RGS6: variants seen among roughly 807,000 people sequenced by gnomAD.
The protein encoded by RGS6 is regulator of G-protein signaling 6.
RGS6 carries 30 observed loss-of-function variants against 78.5 expected under a neutral mutation model. That is an observed-to-expected ratio of 0.38 (90% CI 0.29 to 0.52). The LOEUF (loss-of-function observed/expected upper bound fraction) is 0.52. Ranked by LOEUF, RGS6 falls within the 20% of genes least tolerant of loss-of-function variation. The pLI is 0.85. For synonymous variants in RGS6, 206 were observed against 206.0 expected, an observed-to-expected ratio of 1.00 and a Z score of 0.00; for missense variants, 495 against 609.7, an observed-to-expected ratio of 0.81 and a Z score of 1.98.
intron 2 of RGS6, among the ~76,000 whole-genome samples, chr14:72,248,349 A>G (rs750061647): frequency 2.6e-5 from 4 of 152,212 alleles, no homozygotes; most frequent in Non-Finnish European, 5.9e-5. Context: ...ATGTCTTCTC[A>G]TGGAGTTTTT....
intron 3 of RGS6, among the ~76,000 whole-genome samples, chr14:72,384,964 C>T (rs1258518301): frequency 6.6e-6 from 1 of 152,114 alleles, no homozygotes; most frequent in Non-Finnish European, 1.5e-5. Flanking sequence ...CTTGGCCAGG[C>T]TGGTCTCGAA....
chr14:72,166,125 C>A (rs2096923107), intron 2 of RGS6, among the ~76,000 whole-genome samples: 1 of 151,378 alleles, frequency 6.6e-6, no homozygotes, highest in South Asian at 2.1e-4. Flanking sequence ...CACACACACA[C>A]ACACACACAC....
rs35114076 is a variant in RGS6 at position 72,088,693 on chromosome 14, G to A, written c.84+123818G>A. 6.4e-3 allele frequency among the ~76,000 whole-genome samples: 961 copies of A among 151,164 alleles called. 3 individuals are homozygous for A. Among genetic ancestry groups the A allele is most frequent in the Middle Eastern group, 0.031 (9 of 294 alleles). Reference sequence around the variant, plus strand: ...CATTCTCCTGCTTAAAAATCCCCCCGTCGTTTCCCGTTGCTCTTAGAACAA... The same window carrying A: ...CATTCTCCTGCTTAAAAATCCCCCCATCGTTTCCCGTTGCTCTTAGAACAA... On this transcript the variant is annotated intron_variant, in intron 2 of 17. Coordinates refer to ENST00000553525, the MANE Select transcript of RGS6 (RefSeq NM_001204424.2).
rs540909021 is a variant in RGS6 at position 72,335,484 on chromosome 14, C to T, written c.85-16611C>T. On this transcript the variant is annotated intron_variant, in intron 2 of 17. Coordinates refer to ENST00000553525, the MANE Select transcript of RGS6 (RefSeq NM_001204424.2). ...CATTTTAAGATGGAAAAGTGACTCCCAGGGACAGGGCATTGGCTCAACAGG... is the reference window on the plus strand; with the variant it reads ...CATTTTAAGATGGAAAAGTGACTCCTAGGGACAGGGCATTGGCTCAACAGG... Among the ~76,000 whole-genome samples, 10 of 152,274 alleles carry T rather than the reference C, an allele frequency of 6.6e-5. No homozygotes were observed. The East Asian group carries it at 1.7e-3, about 26-fold the overall frequency.
At chr14:72,160,764 G>A (rs1464516284) in intron 2 of RGS6, among the ~76,000 whole-genome samples, 1 of 152,180 alleles carries the variant, frequency 6.6e-6, no homozygotes, top group East Asian at 1.9e-4. Context: ...CCCTTTCAGA[G>A]ACTAACCGTG....
the RGS6 span, among the ~76,000 whole-genome samples, chr14:71,899,165 GT>G: frequency 2.6e-3 from 393 of 152,108 alleles, 1 homozygote; most frequent in African/African-American, 8.9e-3. Context: ...AACCACACAG[GT>G]TGACTATAGA....
At chr14:72,556,043 C>G (rs779140148) in intron 17 of RGS6, among the ~76,000 whole-genome samples, 14 of 152,184 alleles carry the variant, frequency 9.2e-5, no homozygotes, top group African/African-American at 2.9e-4. Context: ...TAGGTGGGTC[C>G]TTTTACATTT....
At chr14:72,617,442 G>T in the RGS6 span, among the ~76,000 whole-genome samples, 1 of 152,048 alleles carries the variant, frequency 6.6e-6, no homozygotes, top group African/African-American at 2.4e-5. Flanking sequence ...TCCCTCCCTG[G>T]GCCTTCAGGA....
intron 2 of RGS6, among the ~76,000 whole-genome samples, chr14:72,013,502 CAAAT>C (rs1391596297): frequency 6.6e-6 from 1 of 152,026 alleles, no homozygotes; most frequent in Non-Finnish European, 1.5e-5. Context: ...CATATATTGA[CAAAT>C]GAAGGAAGAA....
chr14:72,423,192 A>G lies in RGS6; in HGVS notation c.185-31336A>G, dbSNP rs116599799. 6.0e-3 allele frequency among the ~76,000 whole-genome samples: 912 copies of G among 152,322 alleles called. 14 individuals carry two copies. Among genetic ancestry groups the G allele is most frequent in the African/African-American group, 0.021 (858 of 41,572 alleles). ...ATATGAGATGGAAAAGAATCTTTTT[A>G]GAGAACATGGGTGCCAGACATAGCC... On this transcript the variant is annotated intron_variant, in intron 3 of 17. Transcript: ENST00000553525.
chr14:71,875,776 G>A, the RGS6 span, among the ~76,000 whole-genome samples: 3 of 152,178 alleles, frequency 2.0e-5, no homozygotes, highest in East Asian at 3.9e-4. Flanking sequence ...TCTCTTGTGG[G>A]CATTTAGTGC....
intron 3 of RGS6, among the ~76,000 whole-genome samples, chr14:72,392,918 A>G (rs879846548): frequency 6.6e-6 from 1 of 152,224 alleles, no homozygotes; most frequent in Admixed American, 6.5e-5. Context: ...GAGAAGCAGC[A>G]GCTAATAACA....
intron 1 of RGS6, among the ~76,000 whole-genome samples, chr14:71,941,231 G>A (rs150733459): frequency 3.3e-5 from 5 of 152,274 alleles, no homozygotes; most frequent in African/African-American, 7.2e-5. Flanking sequence ...TCTCATGAGC[G>A]GTGAATTAGG....
intron 15 of RGS6, among the ~76,000 whole-genome samples, chr14:72,526,789 G>A (rs1465423084): frequency 6.6e-6 from 1 of 152,234 alleles, no homozygotes; most frequent in Non-Finnish European, 1.5e-5. Context: ...TGTCCATATT[G>A]TTGCGGTATC....
intron 2 of RGS6, among the ~76,000 whole-genome samples, chr14:72,140,605 A>G (rs2283416): frequency 0.26 from 39,948 of 152,138 alleles, 5,431 homozygotes; most frequent in African/African-American, 0.31. Context: ...CACCATTGCA[A>G]ATGTTAACAG....
the RGS6 span, among the ~76,000 whole-genome samples, chr14:71,872,098 G>A: frequency 6.6e-6 from 1 of 152,120 alleles, no homozygotes; most frequent in Non-Finnish European, 1.5e-5. Context: ...CAGGACTCTG[G>A]CCCTGGTTTA....
intron 16 of RGS6, among the ~76,000 whole-genome samples, chr14:72,539,290 C>T (rs534964534): frequency 6.6e-6 from 1 of 152,156 alleles, no homozygotes; most frequent in Admixed American, 6.5e-5. Flanking sequence ...TCTAGCCTGT[C>T]GTACGTACAT....
intron 2 of RGS6, among the ~76,000 whole-genome samples, chr14:72,319,379 T>C (rs1172982938): frequency 1.3e-5 from 2 of 149,774 alleles, no homozygotes; most frequent in Non-Finnish European, 3.0e-5. Context: ...AGACGGAGTC[T>C]CGCCCTGTTG....
chr14:71,984,309 A>C (rs966047398), intron 2 of RGS6, among the ~76,000 whole-genome samples: 1 of 110,916 alleles, frequency 9.0e-6, no homozygotes, highest in Admixed American at 8.9e-5. Flanking sequence ...AAAAAAAAAA[A>C]AAAAAAAAAA....
Sources: allele counts gnomAD v4.1 joint callset (sites outside exome capture counted in the v4.1 genomes callset), GRCh38; gene constraint gnomAD v4.1.1; transcripts MANE v1.5; gene names NCBI Gene and HGNC (gene_info 2026-07-23, HGNC 2026-07-21).